The following ADGRL2 variants were observed in gnomAD, a reference collection of about 807,000 sequenced individuals.
The protein encoded by ADGRL2 is calcium-independent alpha-latrotoxin receptor 2.
ADGRL2 carries 44 observed loss-of-function variants against 157.4 expected under a neutral mutation model. The ratio of observed to expected loss-of-function variants is 0.28; its 90% confidence interval spans 0.22 to 0.36. The LOEUF (loss-of-function observed/expected upper bound fraction) is 0.36. ADGRL2 is among the 10% of genes least tolerant of loss of function. The probability of loss-of-function intolerance (pLI) is 1.00; values close to 1 mark genes in which losing one functional copy is unlikely to be tolerated. For missense variants in ADGRL2, 1,510 were observed against 1,768.9 expected, an observed-to-expected ratio of 0.85 and a Z score of 2.63; for synonymous variants, 585 against 624.7, an observed-to-expected ratio of 0.94 and a Z score of 0.95.
At chr1:81,894,056 C>T (rs1316903439) in intron 2 of ADGRL2, among the ~76,000 whole-genome samples, 1 of 152,182 alleles carries the variant, frequency 6.6e-6, no homozygotes, top group African/African-American at 2.4e-5. Flanking sequence ...TAGACTACTT[C>T]TGTAAGTCAG....
At chr1:81,745,866 C>G (rs1048440002) in intron 1 of ADGRL2, among the ~76,000 whole-genome samples, 1 of 152,054 alleles carries the variant, frequency 6.6e-6, no homozygotes, top group African/African-American at 2.4e-5. Context: ...GGTGAGGTCT[C>G]AGTAAATACT....
At chr1:81,389,838 A>G (rs1455618032) in intron 1 of ADGRL2, among the ~76,000 whole-genome samples, 1 of 152,178 alleles carries the variant, frequency 6.6e-6, no homozygotes, top group Non-Finnish European at 1.5e-5. Context: ...GGCTAAAAAG[A>G]AACTACATCG....
At chr1:81,551,399 C>T (rs1358443221) in intron 2 of ADGRL2, among the ~76,000 whole-genome samples, 1 of 152,080 alleles carries the variant, frequency 6.6e-6, no homozygotes, top group East Asian at 1.9e-4. Flanking sequence ...TTGATTTGTA[C>T]AAGTCCTCCA....
intron 3 of ADGRL2, among the ~76,000 whole-genome samples, chr1:81,606,900 C>T (rs907872692): frequency 4.6e-5 from 7 of 152,094 alleles, no homozygotes; most frequent in Non-Finnish European, 1.0e-4. Flanking sequence ...AACTGTAGTA[C>T]ATTTTGATGA....
chr1:81,748,384 G>A (rs531065782), intron 1 of ADGRL2, among the ~76,000 whole-genome samples: 62 of 146,398 alleles, frequency 4.2e-4, no homozygotes, highest in African/African-American at 1.2e-3. Flanking sequence ...AAGGAGAATC[G>A]CTTGAACCCT....
At chr1:81,339,106 A>G (rs1661868519) in intron 1 of ADGRL2, among the ~76,000 whole-genome samples, 1 of 152,192 alleles carries the variant, frequency 6.6e-6, no homozygotes. Context: ...TCTTGTGAAT[A>G]TGTATCTGTA....
At chr1:81,503,321 A>G in intron 2 of ADGRL2, 3 of 1,614,164 alleles carry the variant, frequency 1.9e-6, no homozygotes, top group Non-Finnish European at 2.5e-6. Flanking sequence ...CTGTTTGCCC[A>G]GAAGCCTGTG....
chr1:81,789,766 G>T (rs1157339571), intron 2 of ADGRL2, among the ~76,000 whole-genome samples: 2 of 151,346 alleles, frequency 1.3e-5, no homozygotes, highest in Non-Finnish European at 2.9e-5. Flanking sequence ...AGCATTTCAG[G>T]TGTCAGCAAA....
chr1:81,467,341 G>T (rs2078078550), intron 2 of ADGRL2, among the ~76,000 whole-genome samples: 1 of 152,088 alleles, frequency 6.6e-6, no homozygotes, highest in South Asian at 2.1e-4. Flanking sequence ...GACCAATTAA[G>T]AATTTAAAAC....
intron 1 of ADGRL2, among the ~76,000 whole-genome samples, chr1:81,803,734 TCTA>T (rs1250929106): frequency 6.6e-6 from 1 of 152,074 alleles, no homozygotes; most frequent in African/African-American, 2.4e-5. Context: ...AAGGCCAGGT[TCTA>T]AGGCACTCTC....
At chr1:81,730,471 G>A (rs991605674) in intron 1 of ADGRL2, among the ~76,000 whole-genome samples, 7 of 152,142 alleles carry the variant, frequency 4.6e-5, no homozygotes, top group African/African-American at 1.7e-4. Context: ...GCTTATGCCT[G>A]TAATCTCTAG....
intron 2 of ADGRL2, among the ~76,000 whole-genome samples, chr1:81,780,132 A>G (rs958245894): frequency 6.6e-6 from 1 of 152,168 alleles, no homozygotes; most frequent in Non-Finnish European, 1.5e-5. Context: ...TCCTCCATCT[A>G]CAGGTTCTTG....
chr1:81,880,699 C>T (rs930706316), intron 2 of ADGRL2, among the ~76,000 whole-genome samples: 9 of 151,768 alleles, frequency 5.9e-5, no homozygotes, highest in East Asian at 3.9e-4. Context: ...AGTGCACACG[C>T]GGGCCCTTAG....
intron 3 of ADGRL2, among the ~76,000 whole-genome samples, chr1:81,671,658 G>A (rs543865672): frequency 2.8e-4 from 43 of 152,154 alleles, no homozygotes; most frequent in South Asian, 6.2e-4. Flanking sequence ...GATTACAGGC[G>A]CCCGCTACCA....
At chr1:81,808,300 A>G (rs2089423571) in intron 1 of ADGRL2, among the ~76,000 whole-genome samples, 1 of 152,048 alleles carries the variant, frequency 6.6e-6, no homozygotes, top group East Asian at 1.9e-4. Context: ...AACAACAGAA[A>G]TTAGATTACC....
At chr1:81,489,020 C>G (rs1174339233) in intron 2 of ADGRL2, among the ~76,000 whole-genome samples, 1 of 151,996 alleles carries the variant, frequency 6.6e-6, no homozygotes, top group Non-Finnish European at 1.5e-5. Context: ...TTGAGATCAC[C>G]TGAGGTCAGC....
In ADGRL2 at chr1:81,852,010, T is replaced by A. The variant is rs2093030628; in HGVS notation, c.73+14953T>A. On this transcript the variant is annotated intron_variant, in intron 2 of 23. Coordinates refer to ENST00000686636, the MANE Select transcript of ADGRL2 (RefSeq NM_001366006.2). ...TATTATATTCTGTACAATGATGAACTATTCTAGCTTCAAGTACTTGGTAAC... is the reference window on the plus strand; with the variant it reads ...TATTATATTCTGTACAATGATGAACAATTCTAGCTTCAAGTACTTGGTAAC... Among the ~76,000 whole-genome samples, 3 of 152,024 alleles carry A rather than the reference T, an allele frequency of 2.0e-5. No individual in the cohort carries two copies. The South Asian group carries it at 6.2e-4, about 31-fold the overall frequency.
intron 2 of ADGRL2, among the ~76,000 whole-genome samples, chr1:81,488,050 C>G (rs111251408): frequency 6.6e-6 from 1 of 152,110 alleles, no homozygotes. Context: ...GCATGCTACC[C>G]CTGCCCCCCG....
chr1:81,368,267 CT>C (rs1484090080), intron 1 of ADGRL2, among the ~76,000 whole-genome samples: 4 of 152,166 alleles, frequency 2.6e-5, no homozygotes, highest in Non-Finnish European at 5.9e-5. Flanking sequence ...ATTTGCATTT[CT>C]CTAATGACCA....
Sources: allele counts gnomAD v4.1 joint callset (sites outside exome capture counted in the v4.1 genomes callset), GRCh38; gene constraint gnomAD v4.1.1; transcripts MANE v1.5; gene names NCBI Gene and HGNC (gene_info 2026-07-23, HGNC 2026-07-21).